The following SNED1 variants were observed in gnomAD, a reference collection of about 807,000 sequenced individuals.
The protein encoded by SNED1 is sushi, nidogen and EGF like domains 1, also known as sushi, nidogen and EGF-like domain-containing protein 1.
In SNED1, 81 loss-of-function variants were observed where a neutral mutation model predicts 166.7. The observed-to-expected ratio is 0.49, with a 90% confidence interval of 0.41 to 0.58. The LOEUF is 0.58. Ranked by LOEUF, SNED1 falls within the 20% of genes least tolerant of loss-of-function variation. The pLI is 0.00. For synonymous variants in SNED1, 762 were observed against 822.0 expected (o/e 0.93, Z 1.25); for missense variants, 1,604 against 2,000.2 (o/e 0.80, Z 3.78).
At chr2:241,001,511 GGTT>G (rs1364034410) in intron 1 of SNED1, among the ~76,000 whole-genome samples, 6 of 152,224 alleles carry the variant, frequency 3.9e-5, no homozygotes, top group Non-Finnish European at 7.3e-5. Flanking sequence ...TTATTGCTAA[GGTT>G]CTACACACAG....
At chr2:241,055,968 G>A (rs976918398) in intron 16 of SNED1, among the ~76,000 whole-genome samples, 1 of 152,222 alleles carries the variant, frequency 6.6e-6, no homozygotes, top group African/African-American at 2.4e-5. Context: ...ACCTAGTAGA[G>A]AATACAGTAT....
intron 1 of SNED1, among the ~76,000 whole-genome samples, chr2:241,000,235 C>T (rs141901900): frequency 1.2e-4 from 18 of 152,264 alleles, no homozygotes; most frequent in African/African-American, 4.3e-4. Flanking sequence ...CACCACATGC[C>T]CTCTAGTGCG....
At chr2:241,002,866 A>G (rs1200829800) in intron 1 of SNED1, among the ~76,000 whole-genome samples, 5 of 151,540 alleles carry the variant, frequency 3.3e-5, no homozygotes, top group East Asian at 2.0e-4. Context: ...AGCCTCCCCA[A>G]TGCCTCCCTC....
chr2:241,019,938 C>T (rs2060721436), intron 1 of SNED1, among the ~76,000 whole-genome samples: 4 of 152,232 alleles, frequency 2.6e-5, no homozygotes, highest in South Asian at 4.1e-4. Flanking sequence ...AAAAAGCAGC[C>T]GTAGACAGTA....
At chr2:241,016,566 A>G (rs113462232) in intron 1 of SNED1, among the ~76,000 whole-genome samples, 2,594 of 152,258 alleles carry the variant, frequency 0.017, 37 homozygotes, top group South Asian at 0.041. Flanking sequence ...AGGTTTTAGC[A>G]ACTTAATGTG....
chr2:241,080,448 G>C (rs1227699126), intron 27 of SNED1, among the ~76,000 whole-genome samples: 1 of 152,180 alleles, frequency 6.6e-6, no homozygotes, highest in African/African-American at 2.4e-5. Context: ...AGCGGTGTGA[G>C]TGCCAGGCTG....
intron 1 of SNED1, among the ~76,000 whole-genome samples, chr2:241,017,958 A>C (rs1210999121): frequency 6.6e-6 from 1 of 152,142 alleles, no homozygotes; most frequent in Non-Finnish European, 1.5e-5. Context: ...CGCTACGATG[A>C]CCAACTCGTC....
rs1212050844 is a variant in SNED1 at position 241,081,716 on chromosome 2, G to C, written c.3956G>C (p.Gly1319Ala). 6.2e-7 allele frequency: 1 copy of C among 1,609,564 alleles called. No homozygotes were observed. Among genetic ancestry groups the C allele is most frequent in the East Asian group, 2.2e-5 (1 of 44,714 alleles). ...TGTTCAGAAAACCCCTGTCAGAACG[G>C]AGGCACTTGTGTGCCGGGCGCAGAC... is the stretch of plus-strand genomic sequence containing the variant. ...GNCSENPCQN[G>A]GTCVPGADAH... The change falls in exon 28 of 32, where the codon GGA (glycine) becomes GCA (alanine). Residue 1319 changes from glycine (G) to alanine (A), a missense_variant. Around this residue, in one of 2 missense-constraint regions of SNED1, gnomAD observed 367 missense variants for 379.4 expected, o/e 0.97. Coordinates refer to ENST00000310397, the MANE Select transcript of SNED1 (RefSeq NM_001080437.3).
chr2:241,039,215 G>C (rs1231415736), intron 6 of SNED1, among the ~76,000 whole-genome samples: 1 of 152,162 alleles, frequency 6.6e-6, no homozygotes, highest in Non-Finnish European at 1.5e-5. Flanking sequence ...CCTCCACCTA[G>C]CGGAGTTGGG....
chr2:241,078,326 T>G (rs2063141163), intron 27 of SNED1, among the ~76,000 whole-genome samples: 1 of 144,120 alleles, frequency 6.9e-6, no homozygotes, highest in Non-Finnish European at 1.5e-5. Context: ...GAGTTTGCAG[T>G]GAGGTGAGAT....
rs1033377341 is a variant in SNED1, at chr2:241,068,481, C to T, written c.3195-430C>T. Among the ~76,000 whole-genome samples, 2 of 151,986 alleles carry T rather than the reference C, an allele frequency of 1.3e-5. No homozygotes were observed. Among genetic ancestry groups the T allele is most frequent in the Non-Finnish European group, 1.5e-5 (1 of 67,984 alleles). ...AGGGGTGCAGGAAAAGATCGGAGAG[C>T]GAGTGGGAAGGAAGACTCCAGCCAG... is the stretch of plus-strand genomic sequence containing the variant. On this transcript the variant is annotated intron_variant, in intron 22 of 31. Coordinates refer to ENST00000310397, the MANE Select transcript of SNED1 (RefSeq NM_001080437.3). The surrounding 1 kb of genome is among the most constrained non-coding windows in gnomAD (Gnocchi z 5.3).
intron 1 of SNED1, among the ~76,000 whole-genome samples, chr2:241,002,079 G>A (rs2060093132): frequency 6.6e-6 from 1 of 152,112 alleles, no homozygotes; most frequent in South Asian, 2.1e-4. Context: ...AGCTGCTCTG[G>A]TGTGGGAGTT....
chr2:241,040,199 T>A lies in SNED1; in HGVS notation c.1159+11T>A. On this transcript the variant is annotated intron_variant, in intron 7 of 31. Transcript: ENST00000310397. Reference sequence around the variant, plus strand: ...CAGCCTGCGAGATGGGTGAGTGGCCTGGCTTCGGATTGGAGAGGGGCTCCT... The same window carrying A: ...CAGCCTGCGAGATGGGTGAGTGGCCAGGCTTCGGATTGGAGAGGGGCTCCT... The A allele has an allele frequency of 6.3e-7, 1 of 1,583,456 alleles. No individual in the cohort carries two copies. Among genetic ancestry groups the A allele is most frequent in the Non-Finnish European group, 8.6e-7 (1 of 1,164,300 alleles).
intron 15 of SNED1, among the ~76,000 whole-genome samples, chr2:241,052,693 G>A (rs1327646175): frequency 3.3e-5 from 1 of 29,986 alleles, no homozygotes; most frequent in Non-Finnish European, 5.9e-5. Flanking sequence ...GGGTCGGCGG[G>A]GGGGGGGGGG....
intron 1 of SNED1, among the ~76,000 whole-genome samples, chr2:241,020,657 C>T (rs1178369552): frequency 6.6e-6 from 1 of 152,202 alleles, no homozygotes; most frequent in African/African-American, 2.4e-5. Flanking sequence ...CAGTGAGTCA[C>T]AGAGCCCTCA....
rs1277759699 is a variant in SNED1, at chr2:241,094,825, AT to A, written c.*3193del. 1 of 162,736 alleles carries A rather than the reference AT, an allele frequency of 6.1e-6. No homozygotes were observed. Among genetic ancestry groups the A allele is most frequent in the African/African-American group, 2.4e-5 (1 of 41,460 alleles). 10.1% of individuals were successfully genotyped at this position (162,736 alleles called of 1,614,324 possible). The stretch of plus-strand genomic sequence containing the variant: ...CTAGAATGCTACCAAGGAGACTTGA[AT>A]TTTGGTCCCATCATCAAAAATGCCT... On this transcript the variant is annotated 3_prime_UTR_variant, in exon 32 of 32. Transcript: ENST00000310397. The surrounding 1 kb of genome is among the most constrained non-coding windows in gnomAD (Gnocchi z 4.3).
intron 6 of SNED1, 149 bp downstream of exon 6, chr2:241,037,502 G>A: frequency 1.6e-6 from 1 of 619,642 alleles, no homozygotes; most frequent in South Asian, 1.9e-5. Context: ...AGGAGTGGAG[G>A]AGCCCAGATG....
intron 27 of SNED1, among the ~76,000 whole-genome samples, chr2:241,077,636 A>G (rs2125278859): frequency 6.6e-6 from 1 of 152,294 alleles, no homozygotes; most frequent in South Asian, 2.1e-4. Flanking sequence ...TAAAATAAAG[A>G]GCTCTGACAA....
At chr2:241,004,791 C>G (rs1015271243) in intron 1 of SNED1, among the ~76,000 whole-genome samples, 1 of 152,280 alleles carries the variant, frequency 6.6e-6, no homozygotes, top group South Asian at 2.1e-4. Flanking sequence ...GGCGTGATCT[C>G]GGCTCACTGC....
Sources: allele counts gnomAD v4.1 joint callset (sites outside exome capture counted in the v4.1 genomes callset), GRCh38; gene constraint gnomAD v4.1.1; regional missense constraint gnomAD v4.1.1; non-coding constraint Gnocchi (gnomAD v3.1); transcripts MANE v1.5; gene names NCBI Gene and HGNC (gene_info 2026-07-23, HGNC 2026-07-21).